The following MAD1L1 variants were observed in gnomAD, a reference collection of about 807,000 sequenced individuals.
MAD1L1 encodes mitotic spindle assembly checkpoint protein MAD1.
A neutral mutation model predicts 96.9 loss-of-function variants in MAD1L1; 95 were observed. The ratio of observed to expected loss-of-function variants is 0.98; its 90% CI spans 0.83 to 1.16. The LOEUF (loss-of-function observed/expected upper bound fraction) is 1.16. Among genes scored for constraint, MAD1L1 ranks in the 50% most tolerant of loss-of-function variants. MAD1L1 has a pLI of 0.00. For synonymous variants in MAD1L1, 473 were observed against 396.6 expected, an observed-to-expected ratio of 1.19 and a Z score of -2.29; for missense variants, 1,007 against 954.4, an observed-to-expected ratio of 1.06 and a Z score of -0.73.
intron 17 of MAD1L1, among the ~76,000 whole-genome samples, chr7:1,932,719 C>T (rs1789552093): frequency 6.6e-6 from 1 of 152,226 alleles, no homozygotes; most frequent in Non-Finnish European, 1.5e-5. Context: ...CCAGTCTGAG[C>T]CTCTCCCGGG....
At chr7:1,985,115 T>C (rs1781079321) in intron 14 of MAD1L1, among the ~76,000 whole-genome samples, 1 of 152,226 alleles carries the variant, frequency 6.6e-6, no homozygotes, top group Non-Finnish European at 1.5e-5. Context: ...GGTACTCAGA[T>C]CAAAACACTT....
At chr7:2,036,700 G>A (rs1783450994) in intron 12 of MAD1L1, among the ~76,000 whole-genome samples, 1 of 152,144 alleles carries the variant, frequency 6.6e-6, no homozygotes, top group Non-Finnish European at 1.5e-5. Flanking sequence ...CAGCAACCCA[G>A]ACGTGTGCCT....
At chr7:2,211,025 T>C (rs533254903) in intron 10 of MAD1L1, among the ~76,000 whole-genome samples, 38 of 152,304 alleles carry the variant, frequency 2.5e-4, no homozygotes, top group Non-Finnish European at 4.0e-4. Flanking sequence ...GGTCTTACTG[T>C]TGGTGGCGGG....
chr7:1,837,070 T>G (rs1042554574), intron 18 of MAD1L1, among the ~76,000 whole-genome samples: 38 of 152,296 alleles, frequency 2.5e-4, no homozygotes, highest in Middle Eastern at 3.4e-3. Flanking sequence ...TGTACATATT[T>G]GATGAAGGAT....
chr7:2,208,095 T>G (rs17187301), intron 10 of MAD1L1, among the ~76,000 whole-genome samples: 26,023 of 152,216 alleles, frequency 0.17, 2,668 homozygotes, highest in Middle Eastern at 0.3. Context: ...CAGGTGATCT[T>G]TAATGTCTCA....
chr7:1,903,489 A>T (rs1318320992), intron 17 of MAD1L1, among the ~76,000 whole-genome samples: 631 of 56,736 alleles, frequency 0.011, no homozygotes, highest in Middle Eastern at 0.058. Context: ...GCGGAACTCA[A>T]GATTGATCAA....
chr7:2,016,559 G>GCCCTCGGTCTATC (rs1163690029), intron 12 of MAD1L1, among the ~76,000 whole-genome samples: 2 of 152,170 alleles, frequency 1.3e-5, no homozygotes, highest in African/African-American at 2.4e-5. Context: ...TGACTGCCTG[G>GCCCTCGGTCTATC]CCCCTGCCAG....
In MAD1L1 at chr7:2,222,712, G is replaced by C. The variant is rs1203741817; in HGVS notation, c.334C>G (p.Gln112Glu). 2.5e-6 allele frequency: 4 copies of C among 1,609,252 alleles called. No individual in the cohort carries two copies. The highest frequency in any genetic ancestry group is 8.5e-7 in the Non-Finnish European group (1 of 1,179,608). ...RNQELLTRIRQLQEREAGAEE... is the reference protein window; with the variant it reads ...RNQELLTRIRELQEREAGAEE... The stretch of plus-strand genomic sequence containing the variant: ...GCCCCGGCCTCCCGCTCCTGAAGCT[G>C]CCGGATGCGCGTCAGGAGCTCCTGG... The change falls in exon 5 of 19, where the codon CAG (glutamine) becomes GAG (glutamate). Residue 112 changes from glutamine to glutamate, a missense_variant. Gln to Glu is a conservative substitution (Grantham distance 29). Transcript: ENST00000265854.
intron 14 of MAD1L1, among the ~76,000 whole-genome samples, chr7:1,987,364 G>A (rs1410348518): frequency 5.9e-5 from 9 of 152,200 alleles, no homozygotes; most frequent in African/African-American, 9.7e-5. Flanking sequence ...GGGCACAGAC[G>A]CGGCAATGGC....
chr7:1,842,591 C>T (rs12540579), intron 18 of MAD1L1, among the ~76,000 whole-genome samples: 10,637 of 152,286 alleles, frequency 0.07, 912 homozygotes, highest in African/African-American at 0.2. Context: ...GCCACCTGAG[C>T]CCCGGCGAGG....
At chr7:2,078,554 A>G (rs1785489211) in intron 11 of MAD1L1, among the ~76,000 whole-genome samples, 1 of 152,228 alleles carries the variant, frequency 6.6e-6, no homozygotes, top group Admixed American at 6.5e-5. Flanking sequence ...CCAGGACTGA[A>G]GAAGAAAGCA....
intron 14 of MAD1L1, among the ~76,000 whole-genome samples, chr7:1,988,868 G>A (rs1050661787): frequency 1.3e-5 from 2 of 152,224 alleles, no homozygotes; most frequent in African/African-American, 4.8e-5. Context: ...GCAGGAGGCA[G>A]GGCCACGTGT....
chr7:1,854,367 T>C (rs377720962), intron 18 of MAD1L1: 8 of 473,524 alleles, frequency 1.7e-5, no homozygotes, highest in African/African-American at 1.4e-4. Flanking sequence ...ACCTACCCTG[T>C]GGAAGCCTGT....
intron 18 of MAD1L1, among the ~76,000 whole-genome samples, chr7:1,888,986 G>A (rs1210856189): frequency 1.3e-5 from 2 of 152,208 alleles, no homozygotes; most frequent in African/African-American, 2.4e-5. Context: ...GCAGATCCTC[G>A]TGGCCTGATG....
chr7:1,855,661 C>G (rs1784211336), intron 18 of MAD1L1, among the ~76,000 whole-genome samples: 1 of 152,140 alleles, frequency 6.6e-6, no homozygotes, highest in Non-Finnish European at 1.5e-5. Flanking sequence ...GGGAGCATTC[C>G]TTGTGCAGGA....
intron 15 of MAD1L1, among the ~76,000 whole-genome samples, chr7:1,975,936 G>C (rs764554267): frequency 2.6e-5 from 4 of 152,220 alleles, no homozygotes; most frequent in Non-Finnish European, 5.9e-5. Context: ...TGAATCTACA[G>C]GCAACATTTA....
At chr7:1,855,897 A>G (rs1017978734) in intron 18 of MAD1L1, among the ~76,000 whole-genome samples, 1 of 152,172 alleles carries the variant, frequency 6.6e-6, no homozygotes, top group Non-Finnish European at 1.5e-5. Flanking sequence ...GGAACCCCAC[A>G]GACAGGGTGG....
chr7:1,898,523 G>C (rs1265545104), intron 17 of MAD1L1, 133 bp from the exon 18 acceptor site: 2 of 682,268 alleles, frequency 2.9e-6, no homozygotes, highest in Non-Finnish European at 5.0e-6. Flanking sequence ...GCAAGCCCCC[G>C]TGTCACACCA....
intron 12 of MAD1L1, among the ~76,000 whole-genome samples, chr7:2,047,564 G>A (rs1048050848): frequency 3.9e-5 from 6 of 152,224 alleles, no homozygotes; most frequent in African/African-American, 9.7e-5. Flanking sequence ...ACAATGGTTG[G>A]GGCTGGCCTT....
Sources: allele counts gnomAD v4.1 joint callset (sites outside exome capture counted in the v4.1 genomes callset), GRCh38; gene constraint gnomAD v4.1.1; transcripts MANE v1.5; gene names NCBI Gene and HGNC (gene_info 2026-07-23, HGNC 2026-07-21).